ZNF668: variants seen among roughly 807,000 people sequenced by gnomAD.
ZNF668 encodes zinc finger protein 668.
ZNF668 carries 10 observed loss-of-function variants against 40.3 expected under a neutral mutation model. The ratio of observed to expected loss-of-function variants is 0.25; its 90% CI spans 0.15 to 0.42. The LOEUF (loss-of-function observed/expected upper bound fraction) is 0.42, where lower values mean the gene tolerates loss of function less well. ZNF668 is among the 10% of genes least tolerant of loss of function. ZNF668 has a pLI of 1.00. For synonymous variants in ZNF668, 428 were observed against 384.6 expected (o/e 1.11, Z -1.32); for missense variants, 749 against 904.6 (o/e 0.83, Z 2.21).
chr16:31,064,337 A>G lies in ZNF668; in HGVS notation c.123T>C (p.Ala41=), dbSNP rs111663031. 5.2e-5 allele frequency: 84 copies of G among 1,613,968 alleles called. No individual in the cohort carries two copies. In the East Asian group the frequency reaches 1.7e-3, roughly 32 times the overall value. The change falls in exon 2 of 3, where the codon GCT becomes GCC. Residue 41 remains alanine (A), a synonymous_variant. Coordinates refer to ENST00000300849, the MANE Select transcript of ZNF668 (RefSeq NM_024706.5). ...AGCAGTCTGCCGGCCCATGTGTGGCAGCGTGGCGCGCTGCCCTGGGCGCGT... is the reference window on the plus strand; with the variant it reads ...AGCAGTCTGCCGGCCCATGTGTGGCGGCGTGGCGCGCTGCCCTGGGCGCGT... ...FPNAPRAARH[A]ATHGPADCSE...
intron 1 of ZNF668, chr16:31,073,094 G>A (rs2057029343): frequency 7.1e-6 from 1 of 140,856 alleles, no homozygotes; most frequent in African/African-American, 2.5e-5. Flanking sequence ...CCTCGCAACC[G>A]TCTGTACGCG....
intron 1 of ZNF668, among the ~76,000 whole-genome samples, chr16:31,066,642 C>T (rs1410284171): frequency 6.6e-6 from 1 of 152,010 alleles, no homozygotes; most frequent in Non-Finnish European, 1.5e-5. Context: ...ACTGCTTGAG[C>T]CCAGGAGTTC....
intron 1 of ZNF668, among the ~76,000 whole-genome samples, chr16:31,070,110 G>C (rs2057005329): frequency 2.6e-5 from 4 of 151,332 alleles, no homozygotes; most frequent in Admixed American, 2.6e-4. Flanking sequence ...AGTAGAGATG[G>C]GGTTTCACCA....
In ZNF668 at chr16:31,073,729, A is replaced by C. The variant is rs531198815; in HGVS notation, c.-93T>G. 1.3e-5 allele frequency: 2 copies of C among 152,220 alleles called. No individual in the cohort carries two copies. The highest frequency in any genetic ancestry group is 6.5e-5 in the Admixed American group (1 of 15,282). 9.4% of individuals were successfully genotyped at this position (152,220 alleles called of 1,614,324 possible). On this transcript the variant is annotated 5_prime_UTR_variant, in exon 1 of 3. Transcript: ENST00000300849. ...GCACCGACGGAGCCCGGACCCTGCC[A>C]AACAGGGGCCGGCGCTAGGACCCAG... is the stretch of plus-strand genomic sequence containing the variant.
chr16:31,073,109 C>T (rs1322396922), intron 1 of ZNF668: 4 of 152,270 alleles, frequency 2.6e-5, no homozygotes, highest in African/African-American at 7.2e-5. Flanking sequence ...TACGCGGCGC[C>T]CCCGCCAGCC....
Position 31,060,904 on chromosome 16 carries a change from C to T in ZNF668, c.*164G>A. 1 of 816,154 alleles carries T rather than the reference C, an allele frequency of 1.2e-6. No homozygotes were observed. Among genetic ancestry groups the T allele is most frequent in the Non-Finnish European group, 1.7e-6 (1 of 574,656 alleles). The allele number at this position is 816,154 out of a possible 1,614,324, so 50.6% of individuals were successfully genotyped here. ...CTCCTAGACAGTCACGTCTCAGCTTCTGCCAGCCTCCACTGTCCCAGCTCT... is the reference window on the plus strand; with the variant it reads ...CTCCTAGACAGTCACGTCTCAGCTTTTGCCAGCCTCCACTGTCCCAGCTCT... On this transcript the variant is annotated 3_prime_UTR_variant, in exon 3 of 3. Transcript: ENST00000300849.
Position 31,068,239 on chromosome 16 carries a change from AATAT to A in ZNF668, c.-22-3762_-22-3759del, listed in dbSNP as rs869069195. Among the ~76,000 whole-genome samples, 183 of 82,934 alleles carry A rather than the reference AATAT, an allele frequency of 2.2e-3. 4 individuals are homozygous for A. Among genetic ancestry groups the A allele is most frequent in the Middle Eastern group, 0.017 (2 of 118 alleles). The allele number at this position is 82,934 out of a possible 152,430, so 54.4% of individuals were successfully genotyped here. A position where few individuals can be genotyped will look rare whatever the true frequency, so the allele number is the denominator to read the frequency against. Reference sequence around the variant, plus strand: ...CACCATTAAAAAAAAAAAAAAAAAAAATATATATATATATATATATATATATAAT... The same window carrying A: ...CACCATTAAAAAAAAAAAAAAAAAAAATATATATATATATATATATATAAT... On this transcript the variant is annotated intron_variant, in intron 1 of 2. Coordinates refer to ENST00000300849, the MANE Select transcript of ZNF668 (RefSeq NM_024706.5).
intron 1 of ZNF668, among the ~76,000 whole-genome samples, chr16:31,069,682 C>T (rs984329740): frequency 4.6e-5 from 7 of 151,816 alleles, no homozygotes; most frequent in Admixed American, 1.3e-4. Context: ...TATTTTTTGA[C>T]GGAATCTCAT....
chr16:31,070,140 G>T (rs1431274393), intron 1 of ZNF668, among the ~76,000 whole-genome samples: 2 of 149,198 alleles, frequency 1.3e-5, no homozygotes, highest in East Asian at 2.0e-4. Flanking sequence ...GGATGGTCTC[G>T]ATCTATTGAC....
rs1296841753 is a variant in ZNF668, at chr16:31,073,740, G to C, written c.-104C>G. On this transcript the variant is annotated 5_prime_UTR_variant, in exon 1 of 3. Coordinates refer to ENST00000300849, the MANE Select transcript of ZNF668 (RefSeq NM_024706.5). Reference sequence around the variant, plus strand: ...GCCCGGACCCTGCCAAACAGGGGCCGGCGCTAGGACCCAGCGGGGGGCGGG... The same window carrying C: ...GCCCGGACCCTGCCAAACAGGGGCCCGCGCTAGGACCCAGCGGGGGGCGGG... 4 of 152,254 alleles carry C rather than the reference G, an allele frequency of 2.6e-5. No homozygotes were observed. The highest frequency in any genetic ancestry group is 2.1e-4 in the South Asian group (1 of 4,828). The allele number at this position is 152,254 out of a possible 1,614,324, so 9.4% of individuals were successfully genotyped here.
chr16:31,068,239 A>AAAAAAAAAAAAATATAT (rs1473353128), intron 1 of ZNF668, among the ~76,000 whole-genome samples: 2 of 82,994 alleles, frequency 2.4e-5, no homozygotes, highest in African/African-American at 5.0e-5. Flanking sequence ...AAAAAAAAAA[A>AAAAAAAAAAAAATATAT]ATATATATAT....
Position 31,064,199 on chromosome 16 carries a change from C to G in ZNF668, c.261G>C (p.Pro87=), listed in dbSNP as rs569153698. The G allele has an allele frequency of 6.2e-7, 1 of 1,612,568 alleles. No homozygotes were observed. The highest frequency in any genetic ancestry group is 1.1e-5 in the South Asian group (1 of 91,092). The change falls in exon 2 of 3, where the codon CCG becomes CCC. Residue 87 remains proline, a synonymous_variant. Transcript: ENST00000300849. The stretch of plus-strand genomic sequence containing the variant: ...CCGTCTTGTAGGCCTTGGGGCATAG[C>G]GGACACGCATAGGGCCTAGGCTTGG... The part of the protein sequence containing the change: ...SAAKPRPYAC[P]LCPKAYKTAP...
chr16:31,063,166 C>G (rs2056948741), intron 2 of ZNF668, among the ~76,000 whole-genome samples: 1 of 151,912 alleles, frequency 6.6e-6, no homozygotes, highest in Non-Finnish European at 1.5e-5. Flanking sequence ...CCTTTTTTTT[C>G]CTGTTCCCCA....
In ZNF668 at chr16:31,061,780, C is replaced by A. The variant is rs1163479515; in HGVS notation, c.1148G>T (p.Ser383Ile). 3 of 1,612,106 alleles carry A rather than the reference C, an allele frequency of 1.9e-6. No homozygotes were observed. Among genetic ancestry groups the A allele is most frequent in the African/African-American group, 1.3e-5 (1 of 74,764 alleles). ...FAERASLTKHSRVHSGERPFH... is the reference protein window; with the variant it reads ...FAERASLTKHIRVHSGERPFH... ...GGGGCGCTCCCCCGAGTGCACCCGG[C>A]TATGCTTCGTGAGGCTGGCACGCTC... Residue 383 changes from serine (S) to isoleucine (I), a missense_variant, in exon 3 of 3, where the codon AGC becomes ATC. Around this residue, in one of 4 missense-constraint regions of ZNF668, gnomAD observed 310 missense variants for 355.1 expected, o/e 0.87. Coordinates refer to ENST00000300849, the MANE Select transcript of ZNF668 (RefSeq NM_024706.5). The surrounding 1 kb of genome is among the most constrained non-coding windows in gnomAD (Gnocchi z 7.7).
intron 2 of ZNF668, chr16:31,062,482 T>C: frequency 1.4e-6 from 1 of 710,502 alleles, no homozygotes; most frequent in South Asian, 2.2e-5. Context: ...TCTCTGCACA[T>C]TAAAGACCAA....
Position 31,073,831 on chromosome 16 carries a change from G to A in ZNF668, c.-195C>T, listed in dbSNP as rs2057039749. On this transcript the variant is annotated 5_prime_UTR_variant, in exon 1 of 3. Transcript: ENST00000300849. ...TTCCTCAGCTAGGAAGGAAGGGAAAGTTCCCGGGGAACCTCCAGCCTATGG... is the reference window on the plus strand; with the variant it reads ...TTCCTCAGCTAGGAAGGAAGGGAAAATTCCCGGGGAACCTCCAGCCTATGG... 6.6e-6 allele frequency: 1 copy of A among 152,278 alleles called. No homozygotes were observed. The highest frequency in any genetic ancestry group is 6.5e-5 in the Admixed American group (1 of 15,282). The allele number at this position is 152,278 out of a possible 1,614,324, so 9.4% of individuals were successfully genotyped here.
At chr16:31,073,289 G>A (rs1373146721) in intron 1 of ZNF668, 2 of 152,416 alleles carry the variant, frequency 1.3e-5, no homozygotes, top group African/African-American at 4.8e-5. Flanking sequence ...CCGCGGGAGT[G>A]GTGGCCGGGC....
intron 1 of ZNF668, among the ~76,000 whole-genome samples, chr16:31,071,171 T>C (rs1338046730): frequency 6.7e-6 from 1 of 150,370 alleles, no homozygotes; most frequent in African/African-American, 2.5e-5. Context: ...ATTTCATTTT[T>C]ATTTATTTAT....
chr16:31,071,534 C>T (rs986977207), intron 1 of ZNF668, among the ~76,000 whole-genome samples: 41 of 152,178 alleles, frequency 2.7e-4, no homozygotes, highest in Non-Finnish European at 2.9e-5. Context: ...TCATAGCTCA[C>T]TTCAGCCTCA....
Sources: allele counts gnomAD v4.1 joint callset (sites outside exome capture counted in the v4.1 genomes callset), GRCh38; gene constraint gnomAD v4.1.1; regional missense constraint gnomAD v4.1.1; non-coding constraint Gnocchi (gnomAD v3.1); transcripts MANE v1.5; gene names NCBI Gene and HGNC (gene_info 2026-07-23, HGNC 2026-07-21).